LRRC8D: variants seen among roughly 807,000 people sequenced by gnomAD.
LRRC8D encodes the protein volume-regulated anion channel subunit LRRC8D.
LRRC8D carries 20 observed loss-of-function variants against 55.8 expected under a neutral mutation model. That is an observed-to-expected ratio of 0.36 (90% CI 0.25 to 0.52). The LOEUF (loss-of-function observed/expected upper bound fraction) is 0.52, where lower values mean the gene tolerates loss of function less well. Among genes scored for constraint, LRRC8D ranks in the 20% least tolerant of loss-of-function variants. LRRC8D has a pLI of 0.93. For missense variants in LRRC8D, 651 were observed against 1,030.8 expected (o/e 0.63, Z 5.05); for synonymous variants, 352 against 377.0 (o/e 0.93, Z 0.77).
intron 2 of LRRC8D, among the ~76,000 whole-genome samples, chr1:89,877,127 C>T (rs966077325): frequency 6.6e-6 from 1 of 152,108 alleles, no homozygotes; most frequent in Non-Finnish European, 1.5e-5. Context: ...TCAAATATGA[C>T]AAGGGTCTGC....
chr1:89,932,134 T>C (rs1168835124), intron 2 of LRRC8D, among the ~76,000 whole-genome samples: 2 of 152,222 alleles, frequency 1.3e-5, no homozygotes, highest in African/African-American at 2.4e-5. Context: ...GCTATAAAGC[T>C]GTCAGCTGAT....
At chr1:89,837,721 A>C (rs1661033258) in intron 1 of LRRC8D, among the ~76,000 whole-genome samples, 1 of 152,230 alleles carries the variant, frequency 6.6e-6, no homozygotes, top group Non-Finnish European at 1.5e-5. Context: ...TTGATGAATA[A>C]GCTATTAAAA....
At chr1:89,830,321 A>T (rs1660857472) in intron 1 of LRRC8D, among the ~76,000 whole-genome samples, 1 of 152,334 alleles carries the variant, frequency 6.6e-6, no homozygotes, top group East Asian at 1.9e-4. Context: ...TCTTGCACAA[A>T]ACACACCCTT....
At chr1:89,821,562 T>C (rs988320672) in intron 1 of LRRC8D, among the ~76,000 whole-genome samples, 11 of 152,204 alleles carry the variant, frequency 7.2e-5, no homozygotes, top group East Asian at 3.9e-4. Flanking sequence ...CGGCCGGCCC[T>C]GCGGGAGGGG....
At chr1:89,855,493 T>G (rs1321266196) in intron 2 of LRRC8D, among the ~76,000 whole-genome samples, 1 of 152,208 alleles carries the variant, frequency 6.6e-6, no homozygotes, top group African/African-American at 2.4e-5. Context: ...TAATCTTTCT[T>G]TATGCTCATG....
intron 1 of LRRC8D, among the ~76,000 whole-genome samples, chr1:89,832,161 T>A (rs1660903242): frequency 6.6e-6 from 1 of 152,248 alleles, no homozygotes; most frequent in Admixed American, 6.5e-5. Context: ...CTGTCTTTAG[T>A]TTTATTTGCT....
intron 2 of LRRC8D, among the ~76,000 whole-genome samples, chr1:89,864,799 C>A (rs955585420): frequency 6.6e-6 from 1 of 152,162 alleles, no homozygotes; most frequent in African/African-American, 2.4e-5. Flanking sequence ...TTACCTACCC[C>A]CGACCCCTCA....
chr1:89,827,438 C>G (rs1660792448), intron 1 of LRRC8D, among the ~76,000 whole-genome samples: 1 of 151,984 alleles, frequency 6.6e-6, no homozygotes, highest in Admixed American at 6.5e-5. Flanking sequence ...TCGTGGGCAC[C>G]TAACCTTCAG....
intron 2 of LRRC8D, among the ~76,000 whole-genome samples, chr1:89,868,616 A>G (rs1175022794): frequency 2.0e-5 from 3 of 152,226 alleles, no homozygotes; most frequent in Non-Finnish European, 4.4e-5. Flanking sequence ...GCACGTGCTA[A>G]GCAGTGTACA....
intron 1 of LRRC8D, among the ~76,000 whole-genome samples, chr1:89,824,324 G>A (rs758506245): frequency 5.3e-5 from 8 of 152,156 alleles, no homozygotes; most frequent in Non-Finnish European, 1.2e-4. Context: ...GATGTGATTA[G>A]GGTCTGGGCA....
intron 1 of LRRC8D, among the ~76,000 whole-genome samples, chr1:89,827,655 G>C (rs1660795704): frequency 6.6e-6 from 1 of 152,210 alleles, no homozygotes; most frequent in Non-Finnish European, 1.5e-5. Context: ...GCCATAGGCA[G>C]CCTTGATAGT....
intron 2 of LRRC8D, among the ~76,000 whole-genome samples, chr1:89,858,613 TA>T (rs1469991350): frequency 2.0e-5 from 3 of 152,174 alleles, no homozygotes; most frequent in Non-Finnish European, 2.9e-5. Context: ...TCAAGAAAGT[TA>T]TAAGTTTTGT....
chr1:89,910,419 A>G (rs182286309), intron 2 of LRRC8D, among the ~76,000 whole-genome samples: 4 of 152,348 alleles, frequency 2.6e-5, no homozygotes, highest in Non-Finnish European at 5.9e-5. Flanking sequence ...ACCTTAGGTA[A>G]TATTGTTATT....
intron 2 of LRRC8D, among the ~76,000 whole-genome samples, chr1:89,882,827 T>C (rs953502557): frequency 2.0e-5 from 3 of 152,112 alleles, no homozygotes; most frequent in Non-Finnish European, 4.4e-5. Context: ...GGCCGTTCCA[T>C]ATGAGAAAAG....
intron 2 of LRRC8D, among the ~76,000 whole-genome samples, chr1:89,872,083 G>C (rs1468936487): frequency 6.6e-6 from 1 of 152,168 alleles, no homozygotes; most frequent in Non-Finnish European, 1.5e-5. Flanking sequence ...TTTATAAATT[G>C]GGATATCACT....
chr1:89,914,699 G>GT (rs397945689), intron 2 of LRRC8D, among the ~76,000 whole-genome samples: 6,000 of 133,776 alleles, frequency 0.045, 283 homozygotes, highest in African/African-American at 0.12. Flanking sequence ...AGTTATCACA[G>GT]TTTTTTTTTT....
At chr1:89,862,394 A>G (rs927046673) in intron 2 of LRRC8D, among the ~76,000 whole-genome samples, 3 of 152,166 alleles carry the variant, frequency 2.0e-5, no homozygotes, top group African/African-American at 7.2e-5. Flanking sequence ...CTAAGTTGTT[A>G]ATGAAAAAGT....
At chr1:89,928,836 G>A (rs1331908767) in intron 2 of LRRC8D, among the ~76,000 whole-genome samples, 1 of 152,206 alleles carries the variant, frequency 6.6e-6, no homozygotes, top group Non-Finnish European at 1.5e-5. Flanking sequence ...ATCCAACAAT[G>A]TCTCTGCTGT....
chr1:89,840,688 G>C (rs1382884342), intron 1 of LRRC8D, among the ~76,000 whole-genome samples: 1 of 152,154 alleles, frequency 6.6e-6, no homozygotes, highest in African/African-American at 2.4e-5. Context: ...GGACAAAATA[G>C]GAATAGTCTA....
Sources: gnomAD v4.1 joint callset for allele counts (sites outside exome capture counted in the v4.1 genomes callset) on GRCh38, gnomAD v4.1.1 for gene constraint, MANE v1.5 for transcripts, NCBI Gene and HGNC (gene_info 2026-07-23, HGNC 2026-07-21) for gene names.